The following GRIN2A variants were observed in gnomAD, a reference collection of about 807,000 sequenced individuals.
GRIN2A encodes the protein glutamate ionotropic receptor NMDA type subunit 2A, also known as glutamate receptor ionotropic, NMDA 2A.
In GRIN2A, 22 loss-of-function variants were observed where a neutral mutation model predicts 113.4. The observed-to-expected ratio is 0.19, with a 90% CI of 0.14 to 0.28. GRIN2A has a LOEUF of 0.28. Among genes scored for constraint, GRIN2A ranks in the 10% least tolerant of loss-of-function variants. The probability of loss-of-function intolerance (pLI) is 1.00; values close to 1 mark genes in which losing one functional copy is unlikely to be tolerated. For missense variants in GRIN2A, 1,502 were observed against 1,887.0 expected (o/e 0.80, Z 3.78); for synonymous variants, 827 against 738.4 (o/e 1.12, Z -1.94).
At chr16:10,093,358 T>G (rs540391161) in intron 2 of GRIN2A, among the ~76,000 whole-genome samples, 4 of 152,328 alleles carry the variant, frequency 2.6e-5, no homozygotes, top group African/African-American at 9.6e-5. Flanking sequence ...ACATCCCAGG[T>G]GTGTGTCCTG....
At chr16:10,108,725 C>A (rs551241012) in intron 2 of GRIN2A, among the ~76,000 whole-genome samples, 1 of 152,254 alleles carries the variant, frequency 6.6e-6, no homozygotes, top group African/African-American at 2.4e-5. Context: ...ACTTGGAAAC[C>A]ACCATATATG....
intron 4 of GRIN2A, among the ~76,000 whole-genome samples, chr16:9,883,107 C>T (rs568202815): frequency 5.1e-4 from 78 of 152,214 alleles, no homozygotes; most frequent in African/African-American, 1.7e-3. Flanking sequence ...GTTCTCTGAA[C>T]CAGAACTTCC....
At chr16:9,786,957 C>G (rs1264656181) in intron 11 of GRIN2A, among the ~76,000 whole-genome samples, 2 of 152,168 alleles carry the variant, frequency 1.3e-5, no homozygotes, top group Non-Finnish European at 2.9e-5. Context: ...ACAATAAAGT[C>G]TTGTCAGAGG....
chr16:10,018,332 T>C (rs1294528529), intron 2 of GRIN2A, among the ~76,000 whole-genome samples: 1 of 152,144 alleles, frequency 6.6e-6, no homozygotes, highest in Non-Finnish European at 1.5e-5. Context: ...GCTGGTGTTT[T>C]CCAGAAACAT....
At chr16:9,899,300 C>T (rs562584325) in intron 3 of GRIN2A, among the ~76,000 whole-genome samples, 198 of 151,860 alleles carry the variant, frequency 1.3e-3, no homozygotes, top group African/African-American at 4.5e-3. Context: ...ATTAGCCAAG[C>T]GTAGTGGCAG....
intron 2 of GRIN2A, among the ~76,000 whole-genome samples, chr16:10,031,011 T>A (rs2046918618): frequency 6.6e-6 from 1 of 152,154 alleles, no homozygotes. Flanking sequence ...AAAATACTAC[T>A]ATCATGAGGC....
chr16:9,934,936 G>A, intron 3 of GRIN2A, among the ~76,000 whole-genome samples: 1 of 151,764 alleles, frequency 6.6e-6, no homozygotes, highest in Admixed American at 6.6e-5. Context: ...ACCAAGCAGT[G>A]GATGGCGACT....
intron 2 of GRIN2A, among the ~76,000 whole-genome samples, chr16:10,065,906 T>G (rs2047640073): frequency 6.6e-6 from 1 of 152,198 alleles, no homozygotes; most frequent in South Asian, 2.1e-4. Flanking sequence ...TGATAGATAC[T>G]GGGTGGAAAC....
chr16:10,011,552 G>T (rs767206458), intron 2 of GRIN2A, among the ~76,000 whole-genome samples: 1 of 152,160 alleles, frequency 6.6e-6, no homozygotes, highest in African/African-American at 2.4e-5. Context: ...GGTCAGGGCC[G>T]ATTCACTGAC....
chr16:9,850,063 C>G, intron 4 of GRIN2A, 102 bp from the exon 5 acceptor site: 2 of 935,926 alleles, frequency 2.1e-6, no homozygotes, highest in South Asian at 2.7e-5. Flanking sequence ...TCTCAAGGGC[C>G]TTTCTGCCAC....
chr16:10,024,135 G>C (rs4363863), intron 2 of GRIN2A, among the ~76,000 whole-genome samples: 27,918 of 152,156 alleles, frequency 0.18, 2,915 homozygotes, highest in East Asian at 0.36. Flanking sequence ...AGCCCATGAG[G>C]CTTCTATCAG....
At chr16:10,032,861 A>G (rs1002816237) in intron 2 of GRIN2A, among the ~76,000 whole-genome samples, 2 of 152,224 alleles carry the variant, frequency 1.3e-5, no homozygotes, top group Non-Finnish European at 2.9e-5. Flanking sequence ...GAAAGAGTTC[A>G]GTGTCCTCAC....
At chr16:9,801,097 G>C (rs1012244815) in intron 10 of GRIN2A, among the ~76,000 whole-genome samples, 1 of 152,148 alleles carries the variant, frequency 6.6e-6, no homozygotes, top group Admixed American at 6.5e-5. Context: ...TGAGACACTT[G>C]TTCAGCTGTG....
At chr16:9,877,187 C>T (rs1467868848) in intron 4 of GRIN2A, among the ~76,000 whole-genome samples, 1 of 152,132 alleles carries the variant, frequency 6.6e-6, no homozygotes, top group African/African-American at 2.4e-5. Context: ...AAATCAGAGA[C>T]TCACTTCACA....
chr16:9,882,353 G>T (rs1159887918), intron 4 of GRIN2A, among the ~76,000 whole-genome samples: 1 of 152,136 alleles, frequency 6.6e-6, no homozygotes, highest in African/African-American at 2.4e-5. Context: ...AGCAATCATA[G>T]CTTTTGTAAG....
At chr16:9,789,059 C>G (rs1029513916) in intron 11 of GRIN2A, among the ~76,000 whole-genome samples, 1 of 152,174 alleles carries the variant, frequency 6.6e-6, no homozygotes, top group African/African-American at 2.4e-5. Context: ...CCCTTCTTAT[C>G]TGTCTCCAGA....
chr16:10,014,349 G>C (rs2046564025), intron 2 of GRIN2A, among the ~76,000 whole-genome samples: 1 of 152,160 alleles, frequency 6.6e-6, no homozygotes, highest in Admixed American at 6.6e-5. Flanking sequence ...CTGCATTCTA[G>C]TTTAGTAAAC....
rs188079522 is a variant in GRIN2A at position 9,790,044 on chromosome 16, T to C, written c.2356+8233A>G. On this transcript the variant is annotated intron_variant, in intron 11 of 12. Coordinates refer to ENST00000330684, the MANE Select transcript of GRIN2A (RefSeq NM_001134407.3). ...TCTTGCCTGAAATAAACAAAGCACA[T>C]GTTTTGGAGTCCACATTGTTTCTCC... Among the ~76,000 whole-genome samples, 57 of 152,280 alleles carry C rather than the reference T, an allele frequency of 3.7e-4. 1 individual carries two copies. In the East Asian group the frequency reaches 0.01, roughly 27 times the overall value.
intron 2 of GRIN2A, among the ~76,000 whole-genome samples, chr16:10,161,382 A>C (rs1425165649): frequency 6.6e-6 from 1 of 152,208 alleles, no homozygotes; most frequent in Non-Finnish European, 1.5e-5. Context: ...GTACGTCTTC[A>C]TTAGCAGTGT....
Sources: allele counts gnomAD v4.1 joint callset (sites outside exome capture counted in the v4.1 genomes callset), GRCh38; gene constraint gnomAD v4.1.1; transcripts MANE v1.5; gene names NCBI Gene and HGNC (gene_info 2026-07-23, HGNC 2026-07-21).